The following SDK2 variants were observed in gnomAD, a reference collection of about 807,000 sequenced individuals.
The protein encoded by SDK2 is sidekick cell adhesion molecule 2, also known as protein sidekick-2.
A neutral mutation model predicts 253.9 loss-of-function variants in SDK2; 105 were observed. The ratio of observed to expected loss-of-function variants is 0.41; its 90% CI spans 0.35 to 0.49. The LOEUF is 0.49. Among genes scored for constraint, SDK2 ranks in the 20% least tolerant of loss-of-function variants. SDK2 has a pLI of 0.06. For synonymous variants in SDK2, 1,249 were observed against 1,234.9 expected (o/e 1.01, Z -0.24); for missense variants, 2,608 against 3,003.0 (o/e 0.87, Z 3.07).
At chr17:73,377,077 G>GGTGCCTTGCGTCTCTCCTACTCC (rs2062788173) in intron 36 of SDK2, among the ~76,000 whole-genome samples, 2 of 152,108 alleles carry the variant, frequency 1.3e-5, no homozygotes, top group East Asian at 1.9e-4. Flanking sequence ...CCCCACTTAA[G>GGTGCCTTGCGTCTCTCCTACTCC]CCATGGCACT....
At chr17:73,382,089 G>A (rs1242842364) in intron 33 of SDK2, among the ~76,000 whole-genome samples, 1 of 151,736 alleles carries the variant, frequency 6.6e-6, no homozygotes, top group South Asian at 2.1e-4. Context: ...GGTAGTGTGC[G>A]CCGTTAATCC....
rs780216130 is a variant in SDK2 at position 73,391,543 on chromosome 17, A to AG, written c.3899-6dup. 4.0e-5 allele frequency: 52 copies of AG among 1,286,148 alleles called. No homozygotes were observed. The highest frequency in any genetic ancestry group is 6.1e-5 in the African/African-American group (4 of 65,960). 79.7% of individuals were successfully genotyped at this position (1,286,148 alleles called of 1,614,324 possible). Reference sequence around the variant, plus strand: ...TGCCCATGGGTGGTCCTGGGACTGGAGGGGGCAAAGGAGAGGAGGCCGACC... The same window carrying AG: ...TGCCCATGGGTGGTCCTGGGACTGGAGGGGGGCAAAGGAGAGGAGGCCGACC... On this transcript the variant is annotated splice_region_variant and splice_polypyrimidine_tract_variant and intron_variant, in intron 27 of 44. Coordinates refer to ENST00000392650, the MANE Select transcript of SDK2 (RefSeq NM_001144952.2).
intron 1 of SDK2, among the ~76,000 whole-genome samples, chr17:73,585,269 C>T (rs989054814): frequency 3.3e-5 from 5 of 152,222 alleles, no homozygotes; most frequent in African/African-American, 4.8e-5. Flanking sequence ...CTATGCCATG[C>T]GCTTCTCGTA....
intron 1 of SDK2, among the ~76,000 whole-genome samples, chr17:73,549,894 C>T (rs191053823): frequency 7.8e-4 from 119 of 152,256 alleles, no homozygotes; most frequent in Non-Finnish European, 1.3e-3. Flanking sequence ...TAGTGGGGAA[C>T]GCCAAGTGGG....
chr17:73,512,538 AAC>A (rs1223713482), intron 1 of SDK2, among the ~76,000 whole-genome samples: 7 of 146,068 alleles, frequency 4.8e-5, no homozygotes, highest in African/African-American at 1.7e-4. Flanking sequence ...CTTCACCTCA[AAC>A]ACACACACAT....
intron 41 of SDK2, 75 bp from the exon 42 acceptor site, chr17:73,350,865 C>G: frequency 1.4e-6 from 2 of 1,459,198 alleles, no homozygotes; most frequent in African/African-American, 2.8e-5. Flanking sequence ...CAGTTGGGAC[C>G]CTACTAACTG....
intron 18 of SDK2, among the ~76,000 whole-genome samples, chr17:73,412,093 C>A (rs1270948412): frequency 1.1e-5 from 1 of 92,540 alleles, no homozygotes; most frequent in Non-Finnish European, 2.4e-5. Context: ...TGTATATATA[C>A]GTATATATGT....
intron 17 of SDK2, 33 bp downstream of exon 17, chr17:73,415,778 C>A (rs529697505): frequency 1.3e-6 from 2 of 1,535,148 alleles, no homozygotes; most frequent in Non-Finnish European, 1.8e-6. Flanking sequence ...CATGAGCCAC[C>A]GCGCCTGGTC....
At position 73,399,150 on chromosome 17, in the gene SDK2, G is replaced by A. The variant is rs750532283; in HGVS notation, c.3093+18C>T. ...TGCCCTGGCGGGGGCTGCTGGTCAG[G>A]CCCCAGGCCTGCCCTACCTGGGCTT... On this transcript the variant is annotated intron_variant, in intron 22 of 44. Transcript: ENST00000392650. 3.7e-6 allele frequency: 6 copies of A among 1,612,564 alleles called. No individual in the cohort carries two copies. Among genetic ancestry groups the A allele is most frequent in the South Asian group, 1.1e-5 (1 of 91,030 alleles).
At chr17:73,408,218 ATTTT>A (rs1315820128) in intron 18 of SDK2, among the ~76,000 whole-genome samples, 1 of 129,570 alleles carries the variant, frequency 7.7e-6, no homozygotes. Context: ...CACCTGGCTA[ATTTT>A]TTTTTTTTTT....
intron 1 of SDK2, among the ~76,000 whole-genome samples, chr17:73,542,152 G>A (rs1430049674): frequency 6.6e-6 from 1 of 152,228 alleles, no homozygotes; most frequent in Non-Finnish European, 1.5e-5. Context: ...CAGGCAGTGC[G>A]CTGGCCCCAA....
chr17:73,368,131 G>A (rs918056186), intron 37 of SDK2, among the ~76,000 whole-genome samples: 2 of 152,156 alleles, frequency 1.3e-5, no homozygotes, highest in Non-Finnish European at 1.5e-5. Context: ...GGGGCTGGGG[G>A]TGCTGACTGT....
Position 73,416,003 on chromosome 17 carries a change from G to A in SDK2, c.2187-11C>T, listed in dbSNP as rs1236367057. The stretch of plus-strand genomic sequence containing the variant: ...CCGGCCAGGCAGTACCTGAGGGGAA[G>A]AGGCGAGGCACAGTGGAGTCAGAGT... On this transcript the variant is annotated splice_polypyrimidine_tract_variant and intron_variant, in intron 16 of 44. Transcript: ENST00000392650. The A allele has an allele frequency of 2.2e-5, 35 of 1,606,278 alleles. No homozygotes were observed. The highest frequency in any genetic ancestry group is 2.9e-5 in the Non-Finnish European group (34 of 1,176,906).
chr17:73,634,364 G>A (rs1328348838), intron 1 of SDK2, among the ~76,000 whole-genome samples: 1 of 152,204 alleles, frequency 6.6e-6, no homozygotes, highest in East Asian at 1.9e-4. Context: ...AGCGACCTTG[G>A]CAAGTTACTT....
chr17:73,535,680 T>C (rs543210045), intron 1 of SDK2, among the ~76,000 whole-genome samples: 35 of 152,248 alleles, frequency 2.3e-4, no homozygotes, highest in African/African-American at 6.5e-4. Context: ...GGGCTACGGA[T>C]TGGGAAGAGA....
rs181985986 is a variant in SDK2 at position 73,365,520 on chromosome 17, G to A, written c.5168-125C>T. 106 of 953,548 alleles carry A rather than the reference G, an allele frequency of 1.1e-4. No homozygotes were observed. The African/African-American group carries it at 1.6e-3, about 14-fold the overall frequency. 59.1% of individuals were successfully genotyped at this position (953,548 alleles called of 1,614,324 possible). A position where few individuals can be genotyped will look rare whatever the true frequency, so the allele number is the denominator to read the frequency against. On this transcript the variant is annotated intron_variant, in intron 37 of 44. Transcript: ENST00000392650. ...CGGGAGGAACAAGAGCGTGGGGCTC[G>A]GCAGAAAGGGCGGGCAGGAGGGGTC...
chr17:73,562,204 C>T (rs908098743), intron 1 of SDK2, among the ~76,000 whole-genome samples: 2 of 152,106 alleles, frequency 1.3e-5, no homozygotes, highest in African/African-American at 4.8e-5. Context: ...TGAACACCAC[C>T]AAAATGTTAC....
intron 12 of SDK2, among the ~76,000 whole-genome samples, chr17:73,425,104 C>T (rs575793751): frequency 6.6e-6 from 1 of 152,188 alleles, no homozygotes; most frequent in East Asian, 1.9e-4. Flanking sequence ...CCTGTAATCC[C>T]AGCTACTCTT....
intron 1 of SDK2, among the ~76,000 whole-genome samples, chr17:73,623,975 G>T (rs1332234512): frequency 6.6e-6 from 1 of 152,210 alleles, no homozygotes; most frequent in Non-Finnish European, 1.5e-5. Context: ...ACAAAGCAGG[G>T]CCTCCGGGTT....
Sources: gnomAD v4.1 joint callset for allele counts (sites outside exome capture counted in the v4.1 genomes callset) on GRCh38, gnomAD v4.1.1 for gene constraint, MANE v1.5 for transcripts, NCBI Gene and HGNC (gene_info 2026-07-23, HGNC 2026-07-21) for gene names.